ETV6: variants seen among roughly 807,000 people sequenced by gnomAD.
ETV6 encodes the protein ETS variant transcription factor 6, also known as transcription factor ETV6.
A neutral mutation model predicts 51.1 loss-of-function variants in ETV6; 16 were observed. The ratio of observed to expected loss-of-function variants is 0.31; its 90% CI spans 0.21 to 0.48. The LOEUF is 0.48. Among genes scored for constraint, ETV6 ranks in the 20% least tolerant of loss-of-function variants. The pLI is 0.99. For synonymous variants in ETV6, 240 were observed against 224.1 expected, an observed-to-expected ratio of 1.07 and a Z score of -0.64; for missense variants, 458 against 594.8, an observed-to-expected ratio of 0.77 and a Z score of 2.39.
rs78108310 is a variant in ETV6, at chr12:11,707,424, C to A, written c.34-45026C>A. On this transcript the variant is annotated intron_variant, in intron 1 of 7. Transcript: ENST00000396373. Reference sequence around the variant, plus strand: ...GCTGGATGTAGATTGTTTGAAAATCCTAGTTGTGCACTGCGTTTCCATCGA... The same window carrying A: ...GCTGGATGTAGATTGTTTGAAAATCATAGTTGTGCACTGCGTTTCCATCGA... 5.3e-3 allele frequency among the ~76,000 whole-genome samples: 814 copies of A among 152,254 alleles called. 9 individuals are homozygous for A. The highest frequency in any genetic ancestry group is 0.018 in the African/African-American group (763 of 41,546).
At chr12:11,656,728 G>T (rs1864005612) in intron 1 of ETV6, among the ~76,000 whole-genome samples, 1 of 152,100 alleles carries the variant, frequency 6.6e-6, no homozygotes, top group African/African-American at 2.4e-5. Context: ...TGAAGCGGTT[G>T]GAAATCTGAG....
chr12:11,791,862 T>TA (rs952114689), intron 2 of ETV6, among the ~76,000 whole-genome samples: 188 of 151,574 alleles, frequency 1.2e-3, no homozygotes, highest in African/African-American at 3.6e-3. Flanking sequence ...GGTGGTCGTT[T>TA]AAAAAAAAAG....
At chr12:11,815,793 T>C (rs978506575) in intron 2 of ETV6, among the ~76,000 whole-genome samples, 1 of 118,280 alleles carries the variant, frequency 8.5e-6, no homozygotes, top group Non-Finnish European at 1.9e-5. Flanking sequence ...AATAAATTCG[T>C]TTGACGGGCA....
At chr12:11,776,432 A>G (rs1945325877) in intron 2 of ETV6, among the ~76,000 whole-genome samples, 1 of 150,586 alleles carries the variant, frequency 6.6e-6, no homozygotes, top group South Asian at 2.1e-4. Flanking sequence ...TTTTGTAGAG[A>G]CAGTATCATG....
chr12:11,700,671 T>C (rs1233136865), intron 1 of ETV6, among the ~76,000 whole-genome samples: 1 of 152,214 alleles, frequency 6.6e-6, no homozygotes, highest in Admixed American at 6.5e-5. Context: ...AAGAAAATCA[T>C]AGGAGAAAAT....
At chr12:11,670,867 T>C (rs993407467) in intron 1 of ETV6, among the ~76,000 whole-genome samples, 4 of 152,236 alleles carry the variant, frequency 2.6e-5, no homozygotes, top group South Asian at 4.1e-4. Context: ...TGCAGGGTTT[T>C]AAAAATATTC....
chr12:11,845,732 C>A (rs1049131576), intron 3 of ETV6, among the ~76,000 whole-genome samples: 1 of 152,114 alleles, frequency 6.6e-6, no homozygotes, highest in Non-Finnish European at 1.5e-5. Flanking sequence ...GTGGCTCACA[C>A]CTGTAATCCC....
At chr12:11,657,608 CCAATGCATCTG>C (rs1374782578) in intron 1 of ETV6, among the ~76,000 whole-genome samples, 2 of 152,180 alleles carry the variant, frequency 1.3e-5, no homozygotes, top group Non-Finnish European at 2.9e-5. Context: ...AAAGAGGTAG[CCAATGCATCTG>C]CAAGTTCTTG....
intron 2 of ETV6, among the ~76,000 whole-genome samples, chr12:11,813,273 C>A (rs1388704964): frequency 6.6e-6 from 1 of 152,206 alleles, no homozygotes; most frequent in Non-Finnish European, 1.5e-5. Flanking sequence ...TGCCCCTCCT[C>A]ACCCCAGCCC....
At chr12:11,827,244 C>T (rs1287112212) in intron 2 of ETV6, among the ~76,000 whole-genome samples, 1 of 152,040 alleles carries the variant, frequency 6.6e-6, no homozygotes, top group Non-Finnish European at 1.5e-5. Context: ...CAGTCTGCCC[C>T]GCGAAATGCT....
intron 4 of ETV6, among the ~76,000 whole-genome samples, chr12:11,860,821 A>G (rs1356397836): frequency 1.3e-5 from 2 of 152,066 alleles, no homozygotes; most frequent in Admixed American, 6.6e-5. Context: ...TTTTCCTTCC[A>G]CTTTTCTTAA....
chr12:11,839,482 A>G (rs1946361152), intron 3 of ETV6, among the ~76,000 whole-genome samples, 178 bp downstream of exon 3: 1 of 152,252 alleles, frequency 6.6e-6, no homozygotes, highest in Non-Finnish European at 1.5e-5. Context: ...TGAGGGAAGA[A>G]GAGGAAGTGT....
chr12:11,893,794 T>TTATATATATATATATATATATATATATA lies in ETV6; in HGVS notation c.*2769_*2796dup, dbSNP rs57308697. On this transcript the variant is annotated 3_prime_UTR_variant, in exon 8 of 8. Transcript: ENST00000396373. The stretch of plus-strand genomic sequence containing the variant: ...GTGTCCATCCCCAAGATCTCTCATT[T>TTATATATATATATATATATATATATATA]TATATATATATATATATATATATAT... 1 of 78,906 alleles carries TTATATATATATATATATATATATATATA rather than the reference T, an allele frequency of 1.3e-5. No homozygotes were observed. Among genetic ancestry groups the TTATATATATATATATATATATATATATA allele is most frequent in the Non-Finnish European group, 2.4e-5 (1 of 42,358 alleles). 4.9% of individuals were successfully genotyped at this position (78,906 alleles called of 1,614,324 possible). A position where few individuals can be genotyped will look rare whatever the true frequency, so the allele number is the denominator to read the frequency against.
At chr12:11,790,679 CTTTT>C (rs5796466) in intron 2 of ETV6, among the ~76,000 whole-genome samples, 10 of 100,354 alleles carry the variant, frequency 1.0e-4, no homozygotes, top group African/African-American at 6.9e-5. Flanking sequence ...AGAGGATAAA[CTTTT>C]TTTTTTTTTT....
At chr12:11,660,827 T>C (rs188095520) in intron 1 of ETV6, among the ~76,000 whole-genome samples, 3 of 152,270 alleles carry the variant, frequency 2.0e-5, no homozygotes, top group East Asian at 1.9e-4. Context: ...GTGGTTTTGC[T>C]AATTATTTTC....
intron 2 of ETV6, among the ~76,000 whole-genome samples, chr12:11,764,614 G>C (rs1945137246): frequency 6.6e-6 from 1 of 152,184 alleles, no homozygotes; most frequent in South Asian, 2.1e-4. Flanking sequence ...AGATCTTGCA[G>C]ATGTATAAAG....
intron 2 of ETV6, among the ~76,000 whole-genome samples, chr12:11,780,050 A>G (rs1945390650): frequency 6.6e-6 from 1 of 152,246 alleles, no homozygotes; most frequent in Admixed American, 6.5e-5. Context: ...ACAGATGCTG[A>G]AAAACAAAAG....
At chr12:11,652,986 A>G (rs1863935214) in intron 1 of ETV6, among the ~76,000 whole-genome samples, 1 of 152,050 alleles carries the variant, frequency 6.6e-6, no homozygotes, top group Non-Finnish European at 1.5e-5. Context: ...TGAAACTCTC[A>G]CTGAGCCTTA....
At chr12:11,799,983 G>A (rs1005268543) in intron 2 of ETV6, among the ~76,000 whole-genome samples, 1 of 152,134 alleles carries the variant, frequency 6.6e-6, no homozygotes, top group African/African-American at 2.4e-5. Flanking sequence ...CCAGGCTCTT[G>A]ATGTTTCTTT....
Sources: gnomAD v4.1 joint callset for allele counts (sites outside exome capture counted in the v4.1 genomes callset) on GRCh38, gnomAD v4.1.1 for gene constraint, MANE v1.5 for transcripts, NCBI Gene and HGNC (gene_info 2026-07-23, HGNC 2026-07-21) for gene names.